The following SLC38A1 variants were observed in gnomAD, a reference collection of about 807,000 sequenced individuals.
SLC38A1 encodes the protein solute carrier family 38 member 1, also known as sodium-coupled neutral amino acid symporter 1.
Under a neutral mutation model 60.3 loss-of-function variants are expected in SLC38A1, and 18 were observed. The observed-to-expected ratio is 0.30, with a 90% confidence interval of 0.21 to 0.44. The LOEUF (loss-of-function observed/expected upper bound fraction) is 0.44, where lower values mean the gene tolerates loss of function less well. Among genes scored for constraint, SLC38A1 ranks in the 20% least tolerant of loss-of-function variants. The pLI is 1.00. For missense variants in SLC38A1, 448 were observed against 587.2 expected, an observed-to-expected ratio of 0.76 and a Z score of 2.45; for synonymous variants, 196 against 212.1, an observed-to-expected ratio of 0.92 and a Z score of 0.66.
At chr12:46,209,847 A>C (rs945345850) in intron 5 of SLC38A1, among the ~76,000 whole-genome samples, 9 of 152,214 alleles carry the variant, frequency 5.9e-5, no homozygotes, top group Non-Finnish European at 1.3e-4. Context: ...AAGTGCAGTT[A>C]AAATGATGTG....
Position 46,268,793 on chromosome 12 carries a change from G to A in SLC38A1, c.-476C>T, listed in dbSNP as rs559305425. The A allele has an allele frequency of 5.1e-5, 20 of 395,664 alleles. No homozygotes were observed. The highest frequency in any genetic ancestry group is 3.7e-4 in the African/African-American group (18 of 48,700). 24.5% of individuals were successfully genotyped at this position (395,664 alleles called of 1,614,324 possible). A position where few individuals can be genotyped will look rare whatever the true frequency, so the allele number is the denominator to read the frequency against. On this transcript the variant is annotated 5_prime_UTR_variant, in exon 1 of 17. Coordinates refer to ENST00000398637, the MANE Select transcript of SLC38A1 (RefSeq NM_030674.4). The surrounding 1 kb of genome is among the most constrained non-coding windows in gnomAD (Gnocchi z 4.4). ...CGCTCGCCTGGCTCTCCTCCTTTCC[G>A]GGCCGATTGCATCAGAATCTCCCCT... is the stretch of plus-strand genomic sequence containing the variant.
chr12:46,227,387 G>A (rs1367085101), intron 5 of SLC38A1, among the ~76,000 whole-genome samples: 1 of 152,210 alleles, frequency 6.6e-6, no homozygotes, highest in Non-Finnish European at 1.5e-5. Context: ...GAAATCCTCA[G>A]AAGGGTGATC....
intron 13 of SLC38A1, among the ~76,000 whole-genome samples, chr12:46,199,913 A>T (rs1939575931): frequency 6.6e-6 from 1 of 152,232 alleles, no homozygotes; most frequent in African/African-American, 2.4e-5. Context: ...ATAAGTTATA[A>T]TACCAATCTC....
At chr12:46,193,633 T>C (rs552884380) in intron 16 of SLC38A1, among the ~76,000 whole-genome samples, 9 of 152,358 alleles carry the variant, frequency 5.9e-5, no homozygotes, top group African/African-American at 1.7e-4. Context: ...GGTGCATATA[T>C]ATTTAGAATA....
chr12:46,229,587 C>T lies in SLC38A1; in HGVS notation c.175G>A (p.Glu59Lys), dbSNP rs267603474. Residue 59 changes from glutamate (E) to lysine (K), a missense_variant, in exon 4 of 17, where the codon GAA becomes AAA. Around this residue, in one of 2 missense-constraint regions of SLC38A1, gnomAD observed 102 missense variants for 89.7 expected, o/e 1.14. Coordinates refer to ENST00000398637, the MANE Select transcript of SLC38A1 (RefSeq NM_030674.4). ...ACATACTCATCACACTTCTTTTTTT[C>T]CAAATGGCTGTTTGTGAGACTTCTT... ...SRRSLTNSHL[E>K]KKKCDEYIPG... The T allele has an allele frequency of 6.2e-7, 1 of 1,613,014 alleles. No individual in the cohort carries two copies. The highest frequency in any genetic ancestry group is 1.7e-5 in the Admixed American group (1 of 59,964).
Position 46,268,317 on chromosome 12 carries a change from C to A in SLC38A1, c.-209+209G>T, listed in dbSNP as rs1199485537. The stretch of plus-strand genomic sequence containing the variant: ...GCAAAGGTGAACTCGGGGGCCCTGG[C>A]GCTTCCTCCCGCTGCCGCGTGCGTT... On this transcript the variant is annotated intron_variant, in intron 1 of 16. Coordinates refer to ENST00000398637, the MANE Select transcript of SLC38A1 (RefSeq NM_030674.4). This position sits in a 1 kb window ranked among gnomAD's most constrained non-coding sequence, Gnocchi z 4.4. 6.6e-6 allele frequency among the ~76,000 whole-genome samples: 1 copy of A among 152,218 alleles called. No homozygotes were observed. The highest frequency in any genetic ancestry group is 2.4e-5 in the African/African-American group (1 of 41,458).
chr12:46,262,400 T>G (rs1344447075), intron 1 of SLC38A1, among the ~76,000 whole-genome samples: 1 of 151,826 alleles, frequency 6.6e-6, no homozygotes, highest in African/African-American at 2.4e-5. Context: ...CCAAAAGAAT[T>G]GAATCTTAAT....
intron 5 of SLC38A1, among the ~76,000 whole-genome samples, chr12:46,219,343 G>C (rs1030342388): frequency 6.6e-6 from 1 of 152,100 alleles, no homozygotes; most frequent in African/African-American, 2.4e-5. Context: ...ATAAAATGGG[G>C]GTAATTAACA....
At chr12:46,250,669 T>C (rs1298230290) in intron 1 of SLC38A1, among the ~76,000 whole-genome samples, 1 of 152,072 alleles carries the variant, frequency 6.6e-6, no homozygotes, top group Non-Finnish European at 1.5e-5. Context: ...TGTGCAAAAA[T>C]CACAACCATT....
chr12:46,189,059 A>G lies in SLC38A1; in HGVS notation c.1375T>C (p.Leu459=). The change falls in exon 17 of 17, where the codon TTG becomes CTG. Residue 459 remains leucine (L), a synonymous_variant. Coordinates refer to ENST00000398637, the MANE Select transcript of SLC38A1 (RefSeq NM_030674.4). ...AAGGAGAACAACACCCCCAGGCCCA[A>G]GAAAAGGGCAGCCTGGAGCAAGAGA... ...GTQRIWAALF[L]GLGVLFSLVS... is the part of the protein sequence containing the mutation. 1 of 1,613,784 alleles carries G rather than the reference A, an allele frequency of 6.2e-7. No homozygotes were observed. The highest frequency in any genetic ancestry group is 8.5e-7 in the Non-Finnish European group (1 of 1,179,804).
intron 1 of SLC38A1, among the ~76,000 whole-genome samples, chr12:46,253,653 T>G (rs1469347685): frequency 1.3e-5 from 2 of 152,200 alleles, no homozygotes; most frequent in Non-Finnish European, 2.9e-5. Context: ...ATTCTGTGAC[T>G]TAGAATGCTT....
chr12:46,242,127 A>C (rs548429651), intron 2 of SLC38A1, among the ~76,000 whole-genome samples: 14 of 152,352 alleles, frequency 9.2e-5, no homozygotes, highest in African/African-American at 2.9e-4. Flanking sequence ...AAGAATGAAA[A>C]CAACAGATGA....
At chr12:46,258,584 T>C (rs75708785) in intron 1 of SLC38A1, among the ~76,000 whole-genome samples, 14,051 of 152,268 alleles carry the variant, frequency 0.092, 740 homozygotes, top group African/African-American at 0.13. Context: ...AATGTTCTAC[T>C]TGGGCATCGT....
chr12:46,198,161 A>C (rs1254072408), intron 14 of SLC38A1, 101 bp from the exon 15 acceptor site: 9 of 1,316,746 alleles, frequency 6.8e-6, no homozygotes, highest in Non-Finnish European at 9.4e-6. Flanking sequence ...GGAATTCATG[A>C]AATGTTTTGT....
At chr12:46,202,685 C>T (rs1490094329) in intron 12 of SLC38A1, among the ~76,000 whole-genome samples, 1 of 152,090 alleles carries the variant, frequency 6.6e-6, no homozygotes, top group Non-Finnish European at 1.5e-5. Flanking sequence ...GCAAAATACG[C>T]ATACGTAATG....
At chr12:46,194,910 A>G (rs1939298327) in intron 16 of SLC38A1, among the ~76,000 whole-genome samples, 1 of 151,954 alleles carries the variant, frequency 6.6e-6, no homozygotes, top group Non-Finnish European at 1.5e-5. Flanking sequence ...GTTTGTTATT[A>G]CCAACCTTCT....
At chr12:46,220,515 C>T (rs1940616684) in intron 5 of SLC38A1, among the ~76,000 whole-genome samples, 1 of 152,194 alleles carries the variant, frequency 6.6e-6, no homozygotes, top group Admixed American at 6.5e-5. Context: ...CTTAACTGCT[C>T]TGTCTTTAGA....
chr12:46,244,060 T>C (rs922671971), intron 1 of SLC38A1, among the ~76,000 whole-genome samples: 4 of 152,066 alleles, frequency 2.6e-5, no homozygotes, highest in Non-Finnish European at 5.9e-5. Flanking sequence ...CTCAAAACAA[T>C]TGCATGATAT....
intron 5 of SLC38A1, among the ~76,000 whole-genome samples, chr12:46,222,018 A>AG (rs562601268): frequency 3.0e-4 from 46 of 152,264 alleles, no homozygotes; most frequent in African/African-American, 8.4e-4. Context: ...AGAAAAGGGA[A>AG]GGTTAGTGTG....
Sources: allele counts gnomAD v4.1 joint callset (sites outside exome capture counted in the v4.1 genomes callset), GRCh38; gene constraint gnomAD v4.1.1; regional missense constraint gnomAD v4.1.1; non-coding constraint Gnocchi (gnomAD v3.1); transcripts MANE v1.5; gene names NCBI Gene and HGNC (gene_info 2026-07-23, HGNC 2026-07-21).